GRM5: variants seen among roughly 807,000 people sequenced by gnomAD.
GRM5 encodes metabotropic glutamate receptor 5.
In GRM5, 19 loss-of-function variants were observed where a neutral mutation model predicts 83.1. The ratio of observed to expected loss-of-function variants is 0.23; its 90% CI spans 0.16 to 0.34. GRM5 has a LOEUF of 0.34. Ranked by LOEUF, GRM5 falls within the 10% of genes least tolerant of loss-of-function variation. GRM5 has a pLI of 1.00. For missense variants in GRM5, 1,160 were observed against 1,588.3 expected (o/e 0.73, Z 4.58); for synonymous variants, 675 against 633.6 (o/e 1.07, Z -0.98).
intron 3 of GRM5, 44 bp downstream of exon 3, chr11:88,849,862 A>G (rs1244344991): frequency 6.3e-6 from 10 of 1,592,918 alleles, no homozygotes; most frequent in Admixed American, 3.4e-5. Context: ...GTGCTGCCAA[A>G]TTCCTGGTAT....
At chr11:88,808,343 A>G (rs1342808143) in intron 3 of GRM5, among the ~76,000 whole-genome samples, 1 of 152,040 alleles carries the variant, frequency 6.6e-6, no homozygotes, top group South Asian at 2.1e-4. Flanking sequence ...TAGTTGCAGC[A>G]TGCAGGGTAT....
intron 4 of GRM5, among the ~76,000 whole-genome samples, chr11:88,624,674 C>T (rs796711205): frequency 3.3e-5 from 5 of 152,248 alleles, no homozygotes; most frequent in African/African-American, 1.2e-4. Flanking sequence ...AGAGCAAGAC[C>T]CTGTCTGTAA....
chr11:88,539,783 C>T (rs897022837), intron 8 of GRM5, among the ~76,000 whole-genome samples: 8 of 152,226 alleles, frequency 5.3e-5, no homozygotes, highest in East Asian at 1.9e-4. Flanking sequence ...TACGCTGCTG[C>T]GATTTAGGCT....
rs536592103 is a variant in GRM5 at position 88,533,284 on chromosome 11, G to T, written c.2631-7880C>A. ...TACAATGATCTTCTTGTTGCTTGAA[G>T]ACACCAGATATCCTCCCAGCATAGT... is the stretch of plus-strand genomic sequence containing the variant. On this transcript the variant is annotated intron_variant, in intron 8 of 9. Transcript: ENST00000305447. Among the ~76,000 whole-genome samples, 4 of 152,206 alleles carry T rather than the reference G, an allele frequency of 2.6e-5. No individual in the cohort carries two copies. The South Asian group carries it at 8.3e-4, about 32-fold the overall frequency.
At position 88,777,869 on chromosome 11, in the gene GRM5, G is replaced by T. The variant is rs890679547; in HGVS notation, c.911+72037C>A. ...AGCCACCTATATGAGGTACCTGTCG[G>T]CCCCTACTTGGAGATATCTCCCAGT... On this transcript the variant is annotated intron_variant, in intron 3 of 9. Coordinates refer to ENST00000305447, the MANE Select transcript of GRM5 (RefSeq NM_001143831.3). Among the ~76,000 whole-genome samples the T allele has an allele frequency of 8.5e-5, 13 of 152,068 alleles. 1 individual carries two copies. Among genetic ancestry groups the T allele is most frequent in the African/African-American group, 2.9e-4 (12 of 41,424 alleles).
intron 3 of GRM5, among the ~76,000 whole-genome samples, chr11:88,663,560 T>C (rs1411019286): frequency 6.6e-6 from 1 of 152,150 alleles, no homozygotes; most frequent in Non-Finnish European, 1.5e-5. Flanking sequence ...ATCCATAGCT[T>C]TATATAACCT....
chr11:88,816,481 G>A (rs1333301777), intron 3 of GRM5, among the ~76,000 whole-genome samples: 3 of 148,996 alleles, frequency 2.0e-5, no homozygotes, highest in South Asian at 2.1e-4. Context: ...AGAGGTTGTG[G>A]TGAGCCGAGA....
intron 3 of GRM5, among the ~76,000 whole-genome samples, chr11:88,788,187 C>T (rs1943109616): frequency 6.6e-6 from 1 of 152,080 alleles, no homozygotes; most frequent in Admixed American, 6.6e-5. Flanking sequence ...AAATTGTTAG[C>T]TCCAGAATAA....
At chr11:88,915,163 C>T (rs1282498546) in intron 2 of GRM5, among the ~76,000 whole-genome samples, 2 of 151,924 alleles carry the variant, frequency 1.3e-5, no homozygotes, top group Non-Finnish European at 2.9e-5. Context: ...TTTAGTTATA[C>T]TGAGAGCAAG....
At chr11:88,917,019 T>A (rs643340) in intron 2 of GRM5, among the ~76,000 whole-genome samples, 73,665 of 151,968 alleles carry the variant, frequency 0.48, 19,191 homozygotes, top group South Asian at 0.65. Flanking sequence ...CTAGTCACCA[T>A]AGGCCTTGGG....
Position 88,895,704 on chromosome 11 carries a change from T to G in GRM5, c.662-45549A>C, listed in dbSNP as rs190033461. Among the ~76,000 whole-genome samples, 131 of 152,114 alleles carry G rather than the reference T, an allele frequency of 8.6e-4. 1 individual carries two copies. Among genetic ancestry groups the G allele is most frequent in the Admixed American group, 8.1e-3 (123 of 15,234 alleles). On this transcript the variant is annotated intron_variant, in intron 2 of 9. Coordinates refer to ENST00000305447, the MANE Select transcript of GRM5 (RefSeq NM_001143831.3). ...CATCTATGCTACTTTTAAACAATAA[T>G]GTCAATATGTGAACTATTTTAAATT...
chr11:88,689,124 G>A (rs1940718137), intron 3 of GRM5, among the ~76,000 whole-genome samples: 1 of 151,618 alleles, frequency 6.6e-6, no homozygotes, highest in African/African-American at 2.4e-5. Context: ...TACTAAATAG[G>A]CTACTCAATG....
At chr11:88,612,645 TTAATGATTGCCATTC>T (rs71046251) in intron 4 of GRM5, among the ~76,000 whole-genome samples, 76,539 of 148,626 alleles carry the variant, frequency 0.51, 22,590 homozygotes, top group South Asian at 0.75. Context: ...TCCTGACTTT[TTAATGATTGCCATTC>T]TAACTGGTGT....
At chr11:88,858,244 C>A (rs1233166408) in intron 2 of GRM5, among the ~76,000 whole-genome samples, 1 of 151,964 alleles carries the variant, frequency 6.6e-6, no homozygotes, top group Non-Finnish European at 1.5e-5. Flanking sequence ...TTGATGAACT[C>A]TTCAACAGTA....
At chr11:88,898,937 C>A (rs1328113280) in intron 2 of GRM5, among the ~76,000 whole-genome samples, 1 of 151,848 alleles carries the variant, frequency 6.6e-6, no homozygotes, top group Non-Finnish European at 1.5e-5. Flanking sequence ...CTACAGCTTA[C>A]CAAAAATGCC....
At chr11:88,890,301 G>GA (rs1449377149) in intron 2 of GRM5, among the ~76,000 whole-genome samples, 3 of 152,190 alleles carry the variant, frequency 2.0e-5, no homozygotes, top group East Asian at 1.9e-4. Context: ...TAATTTTAGG[G>GA]ATCTGCCTTT....
chr11:88,545,835 C>T (rs942481487), intron 8 of GRM5, among the ~76,000 whole-genome samples: 2 of 152,014 alleles, frequency 1.3e-5, no homozygotes, highest in Non-Finnish European at 2.9e-5. Flanking sequence ...TATGATGTAA[C>T]TCCTCTTCTC....
chr11:88,683,761 G>C (rs1424409192), intron 3 of GRM5, among the ~76,000 whole-genome samples: 1 of 152,186 alleles, frequency 6.6e-6, no homozygotes, highest in East Asian at 1.9e-4. Context: ...GTGCTAATAT[G>C]TGTCAAGCAC....
At chr11:89,029,131 T>C (rs886902105) in intron 2 of GRM5, among the ~76,000 whole-genome samples, 20 of 152,354 alleles carry the variant, frequency 1.3e-4, no homozygotes, top group African/African-American at 4.6e-4. Context: ...TATGCCTGCA[T>C]AGTATTCCAT....
Sources: gnomAD v4.1 joint callset for allele counts (sites outside exome capture counted in the v4.1 genomes callset) on GRCh38, gnomAD v4.1.1 for gene constraint, MANE v1.5 for transcripts, NCBI Gene and HGNC (gene_info 2026-07-23, HGNC 2026-07-21) for gene names.